Variants in STARD6 observed in about 807,000 individuals in gnomAD.
The protein encoded by STARD6 is stAR-related lipid transfer protein 6.
Under a neutral mutation model 22.3 loss-of-function variants are expected in STARD6, and 21 were observed. That is an observed-to-expected ratio of 0.94 (90% CI 0.67 to 1.35). The LOEUF (loss-of-function observed/expected upper bound fraction) is 1.35. Among genes scored for constraint, STARD6 ranks in the 40% most tolerant of loss-of-function variants. The pLI is 0.00. For missense variants in STARD6, 269 were observed against 266.9 expected (o/e 1.01, Z -0.05); for synonymous variants, 80 against 88.1 (o/e 0.91, Z 0.52).
In STARD6 at chr18:54,335,498, G is replaced by T. The variant is rs190620655; in HGVS notation, c.267+1627C>A. On this transcript the variant is annotated intron_variant, in intron 5 of 7. Transcript: ENST00000307844. ...TGTGAGCCACCGCGCTCAGCCCCAG[G>T]TGGTTATTTTTATCATGGCCTTAAT... 2.3e-4 allele frequency among the ~76,000 whole-genome samples: 35 copies of T among 152,142 alleles called. 1 individual carries two copies. Among genetic ancestry groups the T allele is most frequent in the Admixed American group, 2.0e-3 (31 of 15,266 alleles).
chr18:54,324,994 T>C (rs550204953), intron 7 of STARD6, 119 bp from the exon 8 acceptor site: 98 of 718,152 alleles, frequency 1.4e-4, no homozygotes, highest in Non-Finnish European at 1.8e-4. Flanking sequence ...TTAAAAATTG[T>C]ACTTAAAAAT....
intron 4 of STARD6, among the ~76,000 whole-genome samples, chr18:54,352,523 C>T (rs545133974): frequency 1.2e-3 from 180 of 152,222 alleles, no homozygotes; most frequent in African/African-American, 4.2e-3. Flanking sequence ...TTGTGGATTC[C>T]TTGAGGCAGA....
Position 54,354,110 on chromosome 18 carries a change from G to C in STARD6, c.91-7C>G, listed in dbSNP as rs1035640510. 27 of 1,541,950 alleles carry C rather than the reference G, an allele frequency of 1.8e-5. No individual in the cohort carries two copies. Among genetic ancestry groups the C allele is most frequent in the Non-Finnish European group, 2.4e-5 (27 of 1,140,012 alleles). On this transcript the variant is annotated splice_region_variant and splice_polypyrimidine_tract_variant and intron_variant, in intron 3 of 7. Coordinates refer to ENST00000307844, the MANE Select transcript of STARD6 (RefSeq NM_139171.2). ...TGGAAACAGTTATCTTTTTCTCAAAGGGGAATAAAAATCCACAAATAATTA... is the reference window on the plus strand; with the variant it reads ...TGGAAACAGTTATCTTTTTCTCAAACGGGAATAAAAATCCACAAATAATTA...
intron 4 of STARD6, among the ~76,000 whole-genome samples, chr18:54,341,747 A>C (rs2088971114): frequency 6.6e-6 from 1 of 152,190 alleles, no homozygotes; most frequent in East Asian, 1.9e-4. Flanking sequence ...ACATGCCAAA[A>C]CTTATGGGAT....
chr18:54,342,315 A>G (rs1378975311), intron 4 of STARD6, among the ~76,000 whole-genome samples: 1 of 152,262 alleles, frequency 6.6e-6, no homozygotes. Flanking sequence ...AAAAATTTTT[A>G]CATAAATCCT....
At chr18:54,335,453 C>T (rs1490543203) in intron 5 of STARD6, among the ~76,000 whole-genome samples, 1 of 152,102 alleles carries the variant, frequency 6.6e-6, no homozygotes, top group Admixed American at 6.5e-5. Flanking sequence ...CTCTGCCTCC[C>T]AAAGTTCTGG....
At chr18:54,356,617 T>TA (rs1278967267) in intron 1 of STARD6, among the ~76,000 whole-genome samples, 173 bp from the exon 2 acceptor site, 1 of 152,204 alleles carries the variant, frequency 6.6e-6, no homozygotes, top group Non-Finnish European at 1.5e-5. Context: ...CAAAAAACTT[T>TA]AAAAGATACT....
chr18:54,337,125 C>G lies in STARD6; in HGVS notation c.267G>C (p.Ser89=). The change falls in exon 5 of 8, where the codon TCG becomes TCC. Residue 89 remains serine (S), a splice_region_variant and synonymous_variant. Coordinates refer to ENST00000307844, the MANE Select transcript of STARD6 (RefSeq NM_139171.2). ...QVYNMVHRID[S]DTFICHTITQ... The stretch of plus-strand genomic sequence containing the variant: ...AGTCCAGTATTAAACAACAAATTAC[C>G]GAATCAATCCTGTGTACCATATTAT... 6.2e-7 allele frequency: 1 copy of G among 1,601,994 alleles called. No individual in the cohort carries two copies. Among genetic ancestry groups the G allele is most frequent in the Non-Finnish European group, 8.5e-7 (1 of 1,174,746 alleles).
intron 4 of STARD6, among the ~76,000 whole-genome samples, chr18:54,340,131 A>C (rs967478519): frequency 2.0e-5 from 3 of 152,152 alleles, no homozygotes; most frequent in Non-Finnish European, 4.4e-5. Flanking sequence ...GTAAGATAGA[A>C]ATATCTTGAA....
chr18:54,338,273 A>G (rs1328075014), intron 4 of STARD6, among the ~76,000 whole-genome samples: 1 of 152,192 alleles, frequency 6.6e-6, no homozygotes, highest in African/African-American at 2.4e-5. Flanking sequence ...ACTGGTGACA[A>G]AACTTCCAAG....
chr18:54,342,087 G>T (rs188302029), intron 4 of STARD6, among the ~76,000 whole-genome samples: 159 of 152,294 alleles, frequency 1.0e-3, no homozygotes, highest in African/African-American at 3.7e-3. Flanking sequence ...AAATAAAAAG[G>T]GTTGTAAGAG....
intron 4 of STARD6, among the ~76,000 whole-genome samples, chr18:54,341,115 A>C (rs941680291): frequency 6.6e-6 from 1 of 152,176 alleles, no homozygotes. Context: ...GAGGGCATGC[A>C]ATGGCGCGAT....
chr18:54,348,096 G>C (rs1046777855), intron 4 of STARD6, among the ~76,000 whole-genome samples: 1 of 152,022 alleles, frequency 6.6e-6, no homozygotes, highest in Non-Finnish European at 1.5e-5. Context: ...CTATGATTGT[G>C]AGACCTCCCC....
In STARD6 at chr18:54,341,813, A is replaced by T. The variant is rs950509625; in HGVS notation, c.141-4562T>A. On this transcript the variant is annotated intron_variant, in intron 4 of 7. Transcript: ENST00000307844. ...ATAGTTGTAAATGTCTATATTTTTT[A>T]AAAAAAGAAGTTCTGAAATCAATAA... is the stretch of plus-strand genomic sequence containing the variant. Among the ~76,000 whole-genome samples, 11 of 152,258 alleles carry T rather than the reference A, an allele frequency of 7.2e-5. No homozygotes were observed. The South Asian group carries it at 8.3e-4, about 11-fold the overall frequency.
chr18:54,356,267 G>T (rs1190956822), intron 2 of STARD6, 94 bp downstream of exon 2: 2 of 152,166 alleles, frequency 1.3e-5, no homozygotes, highest in East Asian at 3.9e-4. Flanking sequence ...CTCCAGCAAG[G>T]CACAACAGGT....
chr18:54,342,423 G>GTCTCCCTCTCCCTCTCC (rs2088978463), intron 4 of STARD6, among the ~76,000 whole-genome samples: 3 of 118,228 alleles, frequency 2.5e-5, no homozygotes, highest in African/African-American at 1.4e-4. Context: ...AATGCTCTCC[G>GTCTCCCTCTCCCTCTCC]TCTCCCTCTC....
chr18:54,336,860 T>C (rs543177588), intron 5 of STARD6, among the ~76,000 whole-genome samples: 1 of 152,352 alleles, frequency 6.6e-6, no homozygotes, highest in East Asian at 1.9e-4. Context: ...GGTGAATCCC[T>C]GAGTTCTGTT....
intron 4 of STARD6, among the ~76,000 whole-genome samples, chr18:54,347,329 G>C (rs938042088): frequency 1.3e-5 from 2 of 151,910 alleles, no homozygotes; most frequent in African/African-American, 4.8e-5. Context: ...TTCTCAACTT[G>C]TATTTACTCA....
chr18:54,333,304 C>A (rs1393589038), intron 5 of STARD6, among the ~76,000 whole-genome samples: 1 of 152,034 alleles, frequency 6.6e-6, no homozygotes, highest in Non-Finnish European at 1.5e-5. Context: ...AAAAAATTAG[C>A]CGGGCGTGGT....
Sources: allele counts gnomAD v4.1 joint callset (sites outside exome capture counted in the v4.1 genomes callset), GRCh38; gene constraint gnomAD v4.1.1; transcripts MANE v1.5; gene names NCBI Gene and HGNC (gene_info 2026-07-23, HGNC 2026-07-21).